RAB7A: variants seen among roughly 807,000 people sequenced by gnomAD.
The protein encoded by RAB7A is RAB7A, member RAS oncogene family.
Under a neutral mutation model 24.5 loss-of-function variants are expected in RAB7A, and 2 were observed. That is an observed-to-expected ratio of 0.08 (90% confidence interval 0.03 to 0.26). The LOEUF (loss-of-function observed/expected upper bound fraction) is 0.26, where lower values mean the gene tolerates loss of function less well. Ranked by LOEUF, RAB7A falls within the 10% of genes least tolerant of loss-of-function variation. RAB7A has a pLI of 1.00. For synonymous variants in RAB7A, 100 were observed against 95.9 expected (o/e 1.04, Z -0.25); for missense variants, 118 against 255.7 (o/e 0.46, Z 3.67).
rs375069555 is a variant in RAB7A at position 128,749,394 on chromosome 3, CCTT to C, written c.-9+23037_-9+23039del. 51 of 152,280 alleles carry C rather than the reference CCTT, an allele frequency of 3.3e-4. 1 individual carries two copies. The East Asian group carries it at 8.3e-3, about 25-fold the overall frequency. 9.4% of individuals were successfully genotyped at this position (152,280 alleles called of 1,614,324 possible). A position where few individuals can be genotyped will look rare whatever the true frequency, so the allele number is the denominator to read the frequency against. On this transcript the variant is annotated intron_variant, in intron 1 of 5. Transcript: ENST00000265062. ...GAGCTCTGCTGAGCTTTGTGGATGA[CCTT>C]CATGGCTATCTGGGTCTCAGTCAGA...
chr3:128,798,198 A>G (rs1933614961), intron 3 of RAB7A, 129 bp downstream of exon 3: 1 of 1,239,464 alleles, frequency 8.1e-7, no homozygotes, highest in African/African-American at 1.5e-5. Flanking sequence ...TAATTGGCTG[A>G]TACTCAGTTA....
At chr3:128,728,185 C>A (rs969421902) in intron 1 of RAB7A, among the ~76,000 whole-genome samples, 2 of 152,136 alleles carry the variant, frequency 1.3e-5, no homozygotes, top group African/African-American at 4.8e-5. Flanking sequence ...GGTGAATGAT[C>A]TTGGCCAGAA....
intron 1 of RAB7A, among the ~76,000 whole-genome samples, chr3:128,762,968 C>T (rs2070786925): frequency 6.6e-6 from 1 of 152,032 alleles, no homozygotes; most frequent in Non-Finnish European, 1.5e-5. Flanking sequence ...CATGATACTT[C>T]ACCTGTAAAT....
chr3:128,806,680 C>A, intron 4 of RAB7A, 90 bp downstream of exon 4: 1 of 1,285,904 alleles, frequency 7.8e-7, no homozygotes. Flanking sequence ...GCTCACATGG[C>A]TCTAGGAGGT....
chr3:128,791,755 A>G (rs1033823535), intron 1 of RAB7A, among the ~76,000 whole-genome samples: 1 of 152,176 alleles, frequency 6.6e-6, no homozygotes, highest in Non-Finnish European at 1.5e-5. Context: ...CTGTCAAAAG[A>G]GATACTTGCA....
intron 1 of RAB7A, among the ~76,000 whole-genome samples, chr3:128,785,912 G>A (rs1203835540): frequency 2.0e-5 from 3 of 151,966 alleles, no homozygotes; most frequent in Non-Finnish European, 4.4e-5. Context: ...CTTCCTAGAG[G>A]TGGTAATTCT....
chr3:128,778,982 G>GA (rs1427054175), intron 1 of RAB7A, among the ~76,000 whole-genome samples: 3 of 152,344 alleles, frequency 2.0e-5, no homozygotes, highest in Admixed American at 6.5e-5. Context: ...TTTGCAGCTA[G>GA]AATAGTTTGA....
chr3:128,765,832 G>C (rs767170474), intron 1 of RAB7A, among the ~76,000 whole-genome samples: 104 of 150,592 alleles, frequency 6.9e-4, no homozygotes, highest in Non-Finnish European at 1.4e-3. Flanking sequence ...CTCAGTCTCG[G>C]CTCACTGCAA....
At chr3:128,760,106 G>A (rs2070765890) in intron 1 of RAB7A, among the ~76,000 whole-genome samples, 2 of 152,176 alleles carry the variant, frequency 1.3e-5, no homozygotes, top group South Asian at 2.1e-4. Flanking sequence ...GTTTCTGGAT[G>A]AGATTTGGTG....
In RAB7A at chr3:128,813,616, C is replaced by T. The variant is rs1933976653; in HGVS notation, c.*194C>T. 1 of 630,944 alleles carries T rather than the reference C, an allele frequency of 1.6e-6. No homozygotes were observed. The highest frequency in any genetic ancestry group is 2.9e-5 in the East Asian group (1 of 33,944). 39.1% of individuals were successfully genotyped at this position (630,944 alleles called of 1,614,324 possible). ...ACACACACACACGCACACACACACA[C>T]ACAGATCTGACGTAATCAAACTCCA... On this transcript the variant is annotated 3_prime_UTR_variant, in exon 6 of 6. Coordinates refer to ENST00000265062, the MANE Select transcript of RAB7A (RefSeq NM_004637.6).
At position 128,763,208 on chromosome 3, in the gene RAB7A, A is replaced by ATTTT. The variant is rs1174944964; in HGVS notation, c.-8-32131_-8-32128dup. Reference sequence around the variant, plus strand: ...TTAGCTTATATATATATATATATATATTTTTTTTTTTTTTTTTTTTTTTTG... The same window carrying ATTTT: ...TTAGCTTATATATATATATATATATATTTTTTTTTTTTTTTTTTTTTTTTTTTTG... On this transcript the variant is annotated intron_variant, in intron 1 of 5. Transcript: ENST00000265062. Among the ~76,000 whole-genome samples, 207 of 76,062 alleles carry ATTTT rather than the reference A, an allele frequency of 2.7e-3. 7 individuals are homozygous for ATTTT. Among genetic ancestry groups the ATTTT allele is most frequent in the Middle Eastern group, 0.011 (1 of 94 alleles). The allele number at this position is 76,062 out of a possible 152,430, so 49.9% of individuals were successfully genotyped here.
intron 1 of RAB7A, among the ~76,000 whole-genome samples, chr3:128,727,776 A>C (rs1483146929): frequency 6.6e-6 from 1 of 152,212 alleles, no homozygotes; most frequent in Non-Finnish European, 1.5e-5. Context: ...GATGAAGCAC[A>C]TGATTTCTCA....
chr3:128,754,467 C>A (rs768600517), intron 1 of RAB7A, among the ~76,000 whole-genome samples: 9 of 152,038 alleles, frequency 5.9e-5, no homozygotes, highest in Non-Finnish European at 1.5e-5. Flanking sequence ...CTACAAAGAT[C>A]AACTAAACAC....
chr3:128,773,918 C>T (rs1195316326), intron 1 of RAB7A, among the ~76,000 whole-genome samples: 1 of 151,654 alleles, frequency 6.6e-6, no homozygotes, highest in Non-Finnish European at 1.5e-5. Context: ...TCCCTAATCT[C>T]AAGTACCCAG....
At position 128,743,068 on chromosome 3, in the gene RAB7A, C is replaced by T. The variant is rs571007851; in HGVS notation, c.-9+16709C>T. On this transcript the variant is annotated intron_variant, in intron 1 of 5. Coordinates refer to ENST00000265062, the MANE Select transcript of RAB7A (RefSeq NM_004637.6). ...GCTGCAGGTCCAGAGCCCTGCCCCA[C>T]GGGGAGGCAGCTGAGGCCTGGTGAG... 1.7e-4 allele frequency among the ~76,000 whole-genome samples: 26 copies of T among 152,336 alleles called. No homozygotes were observed. In the East Asian group the frequency reaches 2.3e-3, roughly 14 times the overall value.
chr3:128,804,955 C>G (rs1016270326), intron 3 of RAB7A, among the ~76,000 whole-genome samples: 71 of 152,154 alleles, frequency 4.7e-4, no homozygotes, highest in African/African-American at 1.6e-3. Flanking sequence ...CCAGAGTGCC[C>G]TAGTGCGTGA....
At chr3:128,732,077 G>T (rs1304519550) in intron 1 of RAB7A, among the ~76,000 whole-genome samples, 2 of 142,382 alleles carry the variant, frequency 1.4e-5, no homozygotes, top group Non-Finnish European at 3.0e-5. Context: ...GTCAAGCTCT[G>T]TCGCCAGGCT....
chr3:128,740,515 T>C (rs889747410), intron 1 of RAB7A, among the ~76,000 whole-genome samples: 1 of 152,176 alleles, frequency 6.6e-6, no homozygotes, highest in Admixed American at 6.5e-5. Flanking sequence ...AGAATTTCAT[T>C]TATATACTTG....
At chr3:128,784,279 C>A (rs1366082121) in intron 1 of RAB7A, among the ~76,000 whole-genome samples, 2 of 152,224 alleles carry the variant, frequency 1.3e-5, no homozygotes, top group Non-Finnish European at 2.9e-5. Context: ...AAGAAATCCT[C>A]TTGGTCCCAT....
Sources: allele counts gnomAD v4.1 joint callset (sites outside exome capture counted in the v4.1 genomes callset), GRCh38; gene constraint gnomAD v4.1.1; transcripts MANE v1.5; gene names NCBI Gene and HGNC (gene_info 2026-07-23, HGNC 2026-07-21).